The following CREB5 variants were observed in gnomAD, a reference collection of about 807,000 sequenced individuals.
CREB5 encodes the protein cyclic AMP-responsive element-binding protein 5.
In CREB5, 19 loss-of-function variants were observed where a neutral mutation model predicts 57.1. The ratio of observed to expected loss-of-function variants is 0.33; its 90% CI spans 0.23 to 0.49. CREB5 has a LOEUF of 0.49. Ranked by LOEUF, CREB5 falls within the 20% of genes least tolerant of loss-of-function variation. The pLI, the probability that CREB5 is intolerant of heterozygous loss-of-function variation, is 0.99. For missense variants in CREB5, 579 were observed against 671.6 expected, an observed-to-expected ratio of 0.86 and a Z score of 1.52; for synonymous variants, 238 against 238.3, an observed-to-expected ratio of 1.00 and a Z score of 0.01.
intron 4 of CREB5, among the ~76,000 whole-genome samples, chr7:28,510,280 T>G (rs1183843621): frequency 6.6e-6 from 1 of 152,238 alleles, no homozygotes; most frequent in East Asian, 1.9e-4. Context: ...CATTTTTTAG[T>G]ATTCTTTTCT....
intron 1 of CREB5, among the ~76,000 whole-genome samples, chr7:28,313,360 T>C (rs1785315350): frequency 6.6e-6 from 1 of 152,218 alleles, no homozygotes; most frequent in East Asian, 1.9e-4. Context: ...CCCTTTTACC[T>C]ATAGGCTGTT....
intron 2 of CREB5, among the ~76,000 whole-genome samples, chr7:28,489,492 G>A (rs921240883): frequency 1.3e-5 from 2 of 151,756 alleles, no homozygotes; most frequent in Non-Finnish European, 2.9e-5. Flanking sequence ...TAGTAGAGAC[G>A]GGGTTTCACC....
chr7:28,631,757 T>C (rs955805438), intron 5 of CREB5, among the ~76,000 whole-genome samples: 1 of 152,104 alleles, frequency 6.6e-6, no homozygotes, highest in African/African-American at 2.4e-5. Flanking sequence ...TAAGCAAATA[T>C]ATGAATAATC....
At chr7:28,329,901 G>T (rs1364109879) in intron 1 of CREB5, among the ~76,000 whole-genome samples, 1 of 152,204 alleles carries the variant, frequency 6.6e-6, no homozygotes, top group Non-Finnish European at 1.5e-5. Context: ...TCCAATAAGA[G>T]CAGATGCTTA....
chr7:28,461,128 CAGG>C (rs35370514), intron 1 of CREB5, among the ~76,000 whole-genome samples: 70,177 of 151,112 alleles, frequency 0.46, 17,334 homozygotes, highest in Middle Eastern at 0.64. Context: ...GAGGCTGAGG[CAGG>C]AGTACCGTTT....
At chr7:28,410,658 A>G (rs975313091), upstream of CREB5, 4 of 422,892 alleles carry the variant, frequency 9.5e-6, no homozygotes, top group East Asian at 7.2e-5. Context: ...GGCTACTTGT[A>G]TATTTCGTTG....
At chr7:28,724,054 T>G (rs982410971) in intron 6 of CREB5, among the ~76,000 whole-genome samples, 168 bp from the exon 7 acceptor site, 3 of 152,156 alleles carry the variant, frequency 2.0e-5, no homozygotes, top group Admixed American at 6.5e-5. Context: ...TTGATGTGCG[T>G]GGGTTCAAGG....
At chr7:28,332,257 A>G (rs1401062310) in intron 1 of CREB5, among the ~76,000 whole-genome samples, 2 of 152,196 alleles carry the variant, frequency 1.3e-5, no homozygotes, top group African/African-American at 4.8e-5. Context: ...GACTGAAACT[A>G]GACTGTGGAC....
chr7:28,690,281 G>A (rs145922801), intron 5 of CREB5, among the ~76,000 whole-genome samples: 14 of 152,266 alleles, frequency 9.2e-5, no homozygotes, highest in African/African-American at 2.4e-4. Context: ...AACAGAAGAG[G>A]CATCAATCTC....
intron 4 of CREB5, among the ~76,000 whole-genome samples, chr7:28,548,118 G>T (rs1215672684): frequency 6.6e-6 from 1 of 152,132 alleles, no homozygotes; most frequent in African/African-American, 2.4e-5. Flanking sequence ...CTTTTCATCA[G>T]CTTGAGTTTA....
At chr7:28,345,607 C>T (rs1481792346) in intron 1 of CREB5, among the ~76,000 whole-genome samples, 1 of 152,272 alleles carries the variant, frequency 6.6e-6, no homozygotes, top group East Asian at 1.9e-4. Flanking sequence ...TGCAGAGTTT[C>T]AGCCCAGTGG....
chr7:28,507,948 T>A (rs1792551169), intron 4 of CREB5, among the ~76,000 whole-genome samples: 1 of 152,220 alleles, frequency 6.6e-6, no homozygotes. Flanking sequence ...AACTTACAGA[T>A]TTTTTCTATT....
At chr7:28,596,056 A>G (rs1796682181) in intron 5 of CREB5, among the ~76,000 whole-genome samples, 1 of 152,188 alleles carries the variant, frequency 6.6e-6, no homozygotes, top group African/African-American at 2.4e-5. Flanking sequence ...GTGAAACCTA[A>G]ATGTTGGGAT....
chr7:28,532,638 A>G (rs1793780106), intron 4 of CREB5, among the ~76,000 whole-genome samples: 1 of 152,190 alleles, frequency 6.6e-6, no homozygotes, highest in African/African-American at 2.4e-5. Flanking sequence ...ATGGAGAAAA[A>G]GGAACTAACA....
intron 3 of CREB5, among the ~76,000 whole-genome samples, chr7:28,504,359 CCA>C (rs1419930081): frequency 1.3e-5 from 2 of 152,168 alleles, no homozygotes; most frequent in Non-Finnish European, 2.9e-5. Flanking sequence ...AGCTCCAGCC[CCA>C]GTGATTTCTA....
intron 5 of CREB5, among the ~76,000 whole-genome samples, chr7:28,630,086 A>G (rs903964892): frequency 6.6e-6 from 1 of 152,184 alleles, no homozygotes; most frequent in South Asian, 2.1e-4. Context: ...TGCTCATGTG[A>G]TGGCTACTTG....
intron 5 of CREB5, among the ~76,000 whole-genome samples, chr7:28,637,536 G>T (rs1798472289): frequency 6.6e-6 from 1 of 152,170 alleles, no homozygotes; most frequent in Admixed American, 6.6e-5. Flanking sequence ...GGGCAGAAGG[G>T]GAGGGAGAGA....
intron 5 of CREB5, among the ~76,000 whole-genome samples, chr7:28,717,307 T>C (rs1013501874): frequency 2.0e-5 from 3 of 152,108 alleles, no homozygotes; most frequent in African/African-American, 7.2e-5. Flanking sequence ...TATATTTTCA[T>C]ATATACACCT....
chr7:28,345,404 A>G (rs1786038164), intron 1 of CREB5, among the ~76,000 whole-genome samples: 1 of 152,308 alleles, frequency 6.6e-6, no homozygotes, highest in East Asian at 1.9e-4. Context: ...CTAGAAATCA[A>G]TATCAGTTGT....
Sources: allele counts gnomAD v4.1 joint callset (sites outside exome capture counted in the v4.1 genomes callset), GRCh38; gene constraint gnomAD v4.1.1; transcripts MANE v1.5; gene names NCBI Gene and HGNC (gene_info 2026-07-23, HGNC 2026-07-21).